Variants in ZFPM2 observed in about 807,000 individuals in gnomAD.
The protein encoded by ZFPM2 is zinc finger protein, FOG family member 2.
A neutral mutation model predicts 98.6 loss-of-function variants in ZFPM2; 20 were observed. The ratio of observed to expected loss-of-function variants is 0.20; its 90% CI spans 0.14 to 0.29. The LOEUF is 0.29. Among genes scored for constraint, ZFPM2 ranks in the 10% least tolerant of loss-of-function variants. The probability of loss-of-function intolerance (pLI) is 1.00; values close to 1 mark genes in which losing one functional copy is unlikely to be tolerated. For synonymous variants in ZFPM2, 518 were observed against 502.7 expected (o/e 1.03, Z -0.41); for missense variants, 1,310 against 1,388.6 (o/e 0.94, Z 0.90).
At chr8:105,562,930 A>T (rs747734184) in intron 4 of ZFPM2, among the ~76,000 whole-genome samples, 19 of 152,340 alleles carry the variant, frequency 1.2e-4, no homozygotes, top group Admixed American at 2.6e-4. Flanking sequence ...TAAAAGAAAA[A>T]CAATAGCTGA....
chr8:105,440,314 A>G (rs1477531895), intron 2 of ZFPM2, among the ~76,000 whole-genome samples: 8 of 152,042 alleles, frequency 5.3e-5, no homozygotes, highest in Non-Finnish European at 8.8e-5. Flanking sequence ...TAGTAGTGAT[A>G]AAGTTTTTGT....
chr8:105,451,406 C>T (rs1021298442), intron 3 of ZFPM2, among the ~76,000 whole-genome samples: 1 of 152,110 alleles, frequency 6.6e-6, no homozygotes, highest in African/African-American at 2.4e-5. Flanking sequence ...GGGTTCTATA[C>T]CGCCAAATTT....
chr8:105,407,313 C>G (rs1811482411), intron 1 of ZFPM2, among the ~76,000 whole-genome samples: 2 of 151,950 alleles, frequency 1.3e-5, no homozygotes, highest in South Asian at 4.1e-4. Flanking sequence ...GCTATTTACA[C>G]TATGCTGGTT....
intron 3 of ZFPM2, among the ~76,000 whole-genome samples, chr8:105,461,517 A>G (rs1812704552): frequency 6.6e-6 from 1 of 152,172 alleles, no homozygotes; most frequent in African/African-American, 2.4e-5. Flanking sequence ...GCCTAAAGGT[A>G]AACTTAATAA....
chr8:105,529,568 C>G (rs971555382), intron 3 of ZFPM2, among the ~76,000 whole-genome samples: 2 of 146,366 alleles, frequency 1.4e-5, no homozygotes, highest in African/African-American at 5.2e-5. Flanking sequence ...TCTAACAACA[C>G]AACTCTCAGC....
chr8:105,519,958 G>A (rs1026728379), intron 3 of ZFPM2, among the ~76,000 whole-genome samples: 1 of 151,820 alleles, frequency 6.6e-6, no homozygotes, highest in Non-Finnish European at 1.5e-5. Flanking sequence ...CGTTTGTGCT[G>A]GCCTAAAATT....
intron 3 of ZFPM2, among the ~76,000 whole-genome samples, chr8:105,497,371 A>G (rs1164530438): frequency 3.9e-5 from 6 of 152,200 alleles, no homozygotes; most frequent in African/African-American, 7.2e-5. Flanking sequence ...AAGCAAACAA[A>G]CAAACAAAAA....
At chr8:105,638,568 C>A (rs1816892671) in intron 5 of ZFPM2, among the ~76,000 whole-genome samples, 1 of 152,056 alleles carries the variant, frequency 6.6e-6, no homozygotes. Flanking sequence ...GAGAACATAT[C>A]AGTATCTGTT....
At chr8:105,644,537 C>A (rs1304458989) in intron 5 of ZFPM2, among the ~76,000 whole-genome samples, 1 of 151,972 alleles carries the variant, frequency 6.6e-6, no homozygotes, top group Non-Finnish European at 1.5e-5. Context: ...TCCCTCGCTC[C>A]CCATACCCCC....
At chr8:105,545,851 A>G (rs1016903470) in intron 3 of ZFPM2, among the ~76,000 whole-genome samples, 7 of 152,120 alleles carry the variant, frequency 4.6e-5, no homozygotes, top group Admixed American at 1.3e-4. Context: ...ATTTTTTTTT[A>G]CTAATGCATA....
In ZFPM2 at chr8:105,723,315, G is replaced by A. The variant is rs148764450; in HGVS notation, c.533-65403G>A. On this transcript the variant is annotated intron_variant, in intron 5 of 7. Transcript: ENST00000407775. ...TCACAACTTTTTCTATAACAATGAC[G>A]GCATATTCAGTGGTATAATCGTTCC... Among the ~76,000 whole-genome samples the A allele has an allele frequency of 5.0e-3, 760 of 151,816 alleles. 3 individuals carry two copies. Among genetic ancestry groups the A allele is most frequent in the Non-Finnish European group, 8.1e-3 (552 of 67,866 alleles).
chr8:105,697,027 C>A (rs1811033193), intron 5 of ZFPM2, among the ~76,000 whole-genome samples: 1 of 152,124 alleles, frequency 6.6e-6, no homozygotes, highest in African/African-American at 2.4e-5. Context: ...AGATTTTCAA[C>A]TTTTAAATCT....
intron 7 of ZFPM2, 87 bp downstream of exon 7, chr8:105,799,035 C>T: frequency 2.5e-6 from 3 of 1,186,950 alleles, no homozygotes; most frequent in South Asian, 3.0e-5. Flanking sequence ...ACGTCTATAT[C>T]TGTCTATCTG....
intron 5 of ZFPM2, among the ~76,000 whole-genome samples, chr8:105,710,781 A>G (rs909872729): frequency 1.6e-4 from 24 of 151,540 alleles, no homozygotes; most frequent in African/African-American, 5.6e-4. Context: ...TTGTCCATAT[A>G]CTAGAGGGAT....
At chr8:105,762,687 A>G (rs921175088) in intron 5 of ZFPM2, among the ~76,000 whole-genome samples, 3 of 151,872 alleles carry the variant, frequency 2.0e-5, no homozygotes, top group Non-Finnish European at 4.4e-5. Flanking sequence ...AATGCCCCAA[A>G]CAATGCTATA....
At chr8:105,666,898 A>G (rs1299831463) in intron 5 of ZFPM2, among the ~76,000 whole-genome samples, 3 of 152,226 alleles carry the variant, frequency 2.0e-5, no homozygotes, top group Non-Finnish European at 2.9e-5. Context: ...CCTTGAGTGC[A>G]TGCCTCTTTA....
chr8:105,393,352 T>G lies in ZFPM2; in HGVS notation c.41-25792T>G, dbSNP rs927422479. Among the ~76,000 whole-genome samples the G allele has an allele frequency of 1.2e-3, 107 of 88,024 alleles. 2 individuals are homozygous for G. Among genetic ancestry groups the G allele is most frequent in the Middle Eastern group, 5.7e-3 (1 of 176 alleles). The allele number at this position is 88,024 out of a possible 152,430, so 57.7% of individuals were successfully genotyped here. On this transcript the variant is annotated intron_variant, in intron 1 of 7. Transcript: ENST00000407775. ...TCTCTCTTTGCCTTTCTTTCTTTCT[T>G]TCTTTCTTTCTTTCTTTCTTTCTTT...
intron 3 of ZFPM2, among the ~76,000 whole-genome samples, chr8:105,453,183 ATTAACT>A (rs1812521232): frequency 6.6e-6 from 1 of 152,216 alleles, no homozygotes; most frequent in Non-Finnish European, 1.5e-5. Context: ...CATATTTAGT[ATTAACT>A]ATATGCAACA....
intron 1 of ZFPM2, among the ~76,000 whole-genome samples, chr8:105,330,601 T>TATATACATATATATATATAC (rs1488776480): frequency 7.4e-5 from 2 of 27,206 alleles, no homozygotes; most frequent in East Asian, 3.3e-3. Context: ...TATACATATA[T>TATATACATATATATATATAC]ATATATATAC....
Sources: allele counts gnomAD v4.1 joint callset (sites outside exome capture counted in the v4.1 genomes callset), GRCh38; gene constraint gnomAD v4.1.1; transcripts MANE v1.5; gene names NCBI Gene and HGNC (gene_info 2026-07-23, HGNC 2026-07-21).